The following SERINC3 variants were observed in gnomAD, a reference collection of about 807,000 sequenced individuals.
SERINC3 encodes the protein serine incorporator 3.
Under a neutral mutation model 52.1 loss-of-function variants are expected in SERINC3, and 22 were observed. That is an observed-to-expected ratio of 0.42 (90% confidence interval 0.30 to 0.60). SERINC3 has a LOEUF of 0.60. SERINC3 is among the 20% of genes least tolerant of loss of function. The pLI is 0.16. For synonymous variants in SERINC3, 226 were observed against 212.7 expected, an observed-to-expected ratio of 1.06 and a Z score of -0.54; for missense variants, 564 against 584.6, an observed-to-expected ratio of 0.96 and a Z score of 0.36.
At position 44,511,915 on chromosome 20, in the gene SERINC3, A is replaced by T. The variant is rs148300366; in HGVS notation, c.396-547T>A. Among the ~76,000 whole-genome samples, 680 of 152,358 alleles carry T rather than the reference A, an allele frequency of 4.5e-3. 10 individuals carry two copies. Among genetic ancestry groups the T allele is most frequent in the African/African-American group, 0.016 (646 of 41,584 alleles). On this transcript the variant is annotated intron_variant, in intron 3 of 9. Coordinates refer to ENST00000342374, the MANE Select transcript of SERINC3 (RefSeq NM_006811.4). Reference sequence around the variant, plus strand: ...TAGCTCCAACCTCCAACTGGTTAACAGGTCTCAGACAATTTATTAACCTCT... The same window carrying T: ...TAGCTCCAACCTCCAACTGGTTAACTGGTCTCAGACAATTTATTAACCTCT...
rs1307687278 is a variant in SERINC3 at position 44,501,197 on chromosome 20, C to T, written c.1159G>A (p.Asp387Asn). 6.2e-7 allele frequency: 1 copy of T among 1,614,138 alleles called. No individual in the cohort carries two copies. The highest frequency in any genetic ancestry group is 1.1e-5 in the South Asian group (1 of 91,084). Residue 387 changes from aspartate (D) to asparagine (N), a missense_variant, in exon 9 of 10, where the codon GAT becomes AAT. Transcript: ENST00000342374. ...TTTSGASDEE[D>N]GQPRRAVDNE... ...TCCACAGCCCGCCGAGGCTGTCCAT[C>T]TTCTTCATCACTGGCACCACTGGTA...
At chr20:44,508,902 G>C (rs991375023) in intron 5 of SERINC3, among the ~76,000 whole-genome samples, 1 of 152,158 alleles carries the variant, frequency 6.6e-6, no homozygotes, top group Non-Finnish European at 1.5e-5. Context: ...TCTTTATAAA[G>C]TTCTATCATT....
chr20:44,517,332 G>A (rs2064386828), intron 1 of SERINC3, among the ~76,000 whole-genome samples: 1 of 152,128 alleles, frequency 6.6e-6, no homozygotes, highest in African/African-American at 2.4e-5. Context: ...ACACTGCAGA[G>A]GCATGTCCTC....
chr20:44,520,667 T>C (rs538921697), intron 1 of SERINC3, among the ~76,000 whole-genome samples: 29 of 152,228 alleles, frequency 1.9e-4, no homozygotes, highest in African/African-American at 6.5e-4. Context: ...TGTTCACTGT[T>C]TGGGCAACGG....
intron 1 of SERINC3, among the ~76,000 whole-genome samples, chr20:44,520,204 C>G (rs572302850): frequency 1.3e-5 from 2 of 152,156 alleles, no homozygotes; most frequent in Non-Finnish European, 2.9e-5. Flanking sequence ...GGCGAAATCC[C>G]GTCTTTATTG....
At chr20:44,508,303 T>C (rs566183042) in intron 5 of SERINC3, among the ~76,000 whole-genome samples, 152 of 152,070 alleles carry the variant, frequency 1.0e-3, no homozygotes, top group Non-Finnish European at 1.5e-3. Flanking sequence ...CAAAACCCTG[T>C]CTCTACAAAA....
Position 44,509,813 on chromosome 20 carries a change from G to C in SERINC3, c.613+78C>G, listed in dbSNP as rs1252119227. 3.4e-6 allele frequency: 5 copies of C among 1,471,156 alleles called. No homozygotes were observed. In the South Asian group the frequency reaches 3.6e-5, roughly 11 times the overall value. The allele number at this position is 1,471,156 out of a possible 1,614,324, so 91.1% of individuals were successfully genotyped here. A position where few individuals can be genotyped will look rare whatever the true frequency, so the allele number is the denominator to read the frequency against. ...CTGTCCCTGAGGACTATAGCTGCTG[G>C]GACTATAATGATGATTTTTATTGTA... On this transcript the variant is annotated intron_variant, in intron 5 of 9. Coordinates refer to ENST00000342374, the MANE Select transcript of SERINC3 (RefSeq NM_006811.4).
At chr20:44,500,923 T>C (rs1326337802) in intron 9 of SERINC3, 150 bp downstream of exon 9, 1 of 624,126 alleles carries the variant, frequency 1.6e-6, no homozygotes, top group Non-Finnish European at 2.9e-6. Context: ...CAATGGGTTT[T>C]AAATGCTAGA....
intron 4 of SERINC3, among the ~76,000 whole-genome samples, chr20:44,510,733 C>G (rs943449095): frequency 1.3e-5 from 2 of 151,990 alleles, no homozygotes; most frequent in African/African-American, 4.8e-5. Flanking sequence ...ACTGCTTGAA[C>G]CCAGGAGGTG....
rs545096296 is a variant in SERINC3, at chr20:44,505,995, T to A, written c.783+832A>T. On this transcript the variant is annotated intron_variant, in intron 6 of 9. Coordinates refer to ENST00000342374, the MANE Select transcript of SERINC3 (RefSeq NM_006811.4). ...TTTAATTCCCCTAAAATATCTTGGCTAATGACTCATAAGAATCATTCCCAG... is the reference window on the plus strand; with the variant it reads ...TTTAATTCCCCTAAAATATCTTGGCAAATGACTCATAAGAATCATTCCCAG... Among the ~76,000 whole-genome samples, 5 of 152,202 alleles carry A rather than the reference T, an allele frequency of 3.3e-5. No individual in the cohort carries two copies. The South Asian group carries it at 8.3e-4, about 25-fold the overall frequency.
downstream of SERINC3, among the ~76,000 whole-genome samples, chr20:44,496,570 G>C (rs1048343525): frequency 2.0e-5 from 3 of 152,188 alleles, no homozygotes; most frequent in African/African-American, 7.2e-5. Context: ...GAGGCAGGTG[G>C]ATCACCTGAG....
chr20:44,513,048 C>CT (rs1453648528), intron 2 of SERINC3, 54 bp from the exon 3 acceptor site: 2 of 1,223,316 alleles, frequency 1.6e-6, no homozygotes, highest in Non-Finnish European at 2.2e-6. Flanking sequence ...GACAGAGACT[C>CT]TAACCCACTG....
chr20:44,507,291 A>G (rs1177546075), intron 5 of SERINC3, among the ~76,000 whole-genome samples: 1 of 152,160 alleles, frequency 6.6e-6, no homozygotes, highest in Non-Finnish European at 1.5e-5. Flanking sequence ...TGCTACCTAT[A>G]TGTTAATTAA....
intron 8 of SERINC3, among the ~76,000 whole-genome samples, chr20:44,501,563 C>G (rs1208747436): frequency 6.6e-6 from 1 of 152,228 alleles, no homozygotes; most frequent in East Asian, 1.9e-4. Flanking sequence ...GTTTCCGTGA[C>G]TTCACAAGTG....
chr20:44,512,772 G>A, intron 3 of SERINC3, 29 bp downstream of exon 3: 2 of 1,517,810 alleles, frequency 1.3e-6, no homozygotes, highest in Non-Finnish European at 8.8e-7. Context: ...ACACCATAAT[G>A]TAACCAGTTA....
At chr20:44,497,218 T>C (rs1284925996), downstream of SERINC3, among the ~76,000 whole-genome samples, 1 of 152,234 alleles carries the variant, frequency 6.6e-6, no homozygotes, top group Non-Finnish European at 1.5e-5. Flanking sequence ...AATACTCCCC[T>C]GCTTTAAATG....
intron 3 of SERINC3, 139 bp from the exon 4 acceptor site, chr20:44,511,507 CTATT>C (rs2064347619): frequency 4.9e-6 from 3 of 614,288 alleles, no homozygotes; most frequent in Non-Finnish European, 2.9e-6. Flanking sequence ...CTTCATTTGA[CTATT>C]CATTTAATAG....
chr20:44,500,557 G>A (rs2064273414), intron 9 of SERINC3, 123 bp from the exon 10 acceptor site: 3 of 1,082,678 alleles, frequency 2.8e-6, no homozygotes, highest in Non-Finnish European at 2.7e-6. Flanking sequence ...CTACCCCCCA[G>A]TAGGGTTGAA....
At chr20:44,510,092 T>A (rs757052187) in intron 4 of SERINC3, 64 bp from the exon 5 acceptor site, 437 of 1,486,990 alleles carry the variant, frequency 2.9e-4, no homozygotes, top group Non-Finnish European at 4.0e-4. Context: ...AGATCCAACA[T>A]TCTGAACGGA....
Sources: allele counts gnomAD v4.1 joint callset (sites outside exome capture counted in the v4.1 genomes callset), GRCh38; gene constraint gnomAD v4.1.1; transcripts MANE v1.5; gene names NCBI Gene and HGNC (gene_info 2026-07-23, HGNC 2026-07-21).